CFAP54: variants seen among roughly 807,000 people sequenced by gnomAD.
CFAP54 encodes cilia and flagella associated protein 54, also known as cilia- and flagella-associated protein 54.
A neutral mutation model predicts 370.4 loss-of-function variants in CFAP54; 290 were observed. The observed-to-expected ratio is 0.78, with a 90% CI of 0.71 to 0.86. The LOEUF (loss-of-function observed/expected upper bound fraction) is 0.86. Ranked by LOEUF, CFAP54 falls within the 40% of genes least tolerant of loss-of-function variation. CFAP54 has a pLI of 0.00. For synonymous variants in CFAP54, 1,206 were observed against 1,236.5 expected, an observed-to-expected ratio of 0.98 and a Z score of 0.52; for missense variants, 3,399 against 3,528.7, an observed-to-expected ratio of 0.96 and a Z score of 0.93.
chr12:96,779,624 A>G (rs1045895085), intron 60 of CFAP54, among the ~76,000 whole-genome samples: 4 of 149,196 alleles, frequency 2.7e-5, no homozygotes, highest in African/African-American at 9.8e-5. Context: ...GAAATCTTAT[A>G]TGAATTATAT....
chr12:96,861,851 C>T (rs1431379693), intron 67 of CFAP54, among the ~76,000 whole-genome samples: 1 of 152,144 alleles, frequency 6.6e-6, no homozygotes. Context: ...ATTTCTGACT[C>T]ATTTTGTCTA....
rs569753335 is a variant in CFAP54 at position 96,788,801 on chromosome 12, A to T, written c.8679+1903A>T. ...TTTTAAGAATCCAGTTAAAGAAATG[A>T]TTCTCAGTTGGTGTTATGCAGTGGC... is the stretch of plus-strand genomic sequence containing the variant. On this transcript the variant is annotated intron_variant, in intron 62 of 67. Transcript: ENST00000524981. 1.8e-4 allele frequency among the ~76,000 whole-genome samples: 28 copies of T among 152,284 alleles called. No homozygotes were observed. In the South Asian group the frequency reaches 5.6e-3, roughly 30 times the overall value.
intron 48 of CFAP54, among the ~76,000 whole-genome samples, chr12:96,717,303 G>C (rs1184716774): frequency 6.6e-6 from 1 of 152,140 alleles, no homozygotes; most frequent in African/African-American, 2.4e-5. Flanking sequence ...AGATCCTCCT[G>C]CTGGGCCTTC....
Position 96,825,701 on chromosome 12 carries a change from A to ATATAT in CFAP54, c.9097-3310_9097-3306dup, listed in dbSNP as rs1555339865. On this transcript the variant is annotated intron_variant, in intron 65 of 67. Coordinates refer to ENST00000524981, the MANE Select transcript of CFAP54 (RefSeq NM_001306084.2). ...TATATAACATATCACGATATATATT[A>ATATAT]TATATTAATTAGATTATATAATATA... Among the ~76,000 whole-genome samples the ATATAT allele has an allele frequency of 8.8e-5, 11 of 124,378 alleles. No homozygotes were observed. In the East Asian group the frequency reaches 9.3e-4, roughly 10 times the overall value. 81.6% of individuals were successfully genotyped at this position (124,378 alleles called of 152,430 possible).
At chr12:96,615,645 A>T (rs541360854) in intron 26 of CFAP54, among the ~76,000 whole-genome samples, 3 of 152,202 alleles carry the variant, frequency 2.0e-5, no homozygotes, top group Non-Finnish European at 4.4e-5. Flanking sequence ...GAATCTACAA[A>T]GAACTCAAAC....
chr12:96,737,225 T>C (rs1301448700), intron 50 of CFAP54, among the ~76,000 whole-genome samples: 2 of 152,092 alleles, frequency 1.3e-5, no homozygotes, highest in African/African-American at 4.8e-5. Context: ...AGCTTTAGAT[T>C]TTGAAGAATT....
At chr12:96,644,772 G>A (rs1956770929) in intron 33 of CFAP54, among the ~76,000 whole-genome samples, 1 of 152,148 alleles carries the variant, frequency 6.6e-6, no homozygotes, top group African/African-American at 2.4e-5. Context: ...CATGAGAACA[G>A]CATGGGGAAA....
chr12:96,733,351 C>T (rs1209719341), intron 50 of CFAP54, among the ~76,000 whole-genome samples: 1 of 152,024 alleles, frequency 6.6e-6, no homozygotes, highest in African/African-American at 2.4e-5. Flanking sequence ...CATGATACTT[C>T]TAATAAAATT....
rs750943211 is a variant in CFAP54 at position 96,708,796 on chromosome 12, C to T, written c.6717C>T (p.Asn2239=). ...ACAAGAGCAAACCAAACCTACCAAA[C>T]TTGGAAGGTAATTGTTTTATTTTTT... The part of the protein sequence containing the change: ...ITNKSKPNLP[N]LEEIYSKDDG... The change falls in exon 48 of 68, where the codon AAC becomes AAT. Residue 2239 remains asparagine (N), a synonymous_variant. Coordinates refer to ENST00000524981, the MANE Select transcript of CFAP54 (RefSeq NM_001306084.2). 6 of 1,592,978 alleles carry T rather than the reference C, an allele frequency of 3.8e-6. No individual in the cohort carries two copies. The highest frequency in any genetic ancestry group is 5.1e-6 in the Non-Finnish European group (6 of 1,170,486).
intron 4 of CFAP54, among the ~76,000 whole-genome samples, chr12:96,512,299 TTTTATATATA>T (rs1259615555): frequency 7.6e-4 from 91 of 119,558 alleles, no homozygotes; most frequent in East Asian, 5.7e-3. Flanking sequence ...TGGGAACCAA[TTTTATATATA>T]TATATATATA....
intron 11 of CFAP54, among the ~76,000 whole-genome samples, chr12:96,535,054 TTA>T (rs1491143534): frequency 9.3e-6 from 1 of 107,844 alleles, no homozygotes; most frequent in African/African-American, 4.3e-5. Flanking sequence ...GTGTGTGTGT[TTA>T]TTTATTTATT....
At chr12:96,828,818 T>C (rs1445631861) in intron 65 of CFAP54, among the ~76,000 whole-genome samples, 196 bp from the exon 66 acceptor site, 1 of 152,186 alleles carries the variant, frequency 6.6e-6, no homozygotes, top group Non-Finnish European at 1.5e-5. Flanking sequence ...CAAAATCTTA[T>C]TTTGTACAAT....
chr12:96,810,690 G>A (rs1958921195), intron 63 of CFAP54, among the ~76,000 whole-genome samples: 1 of 152,128 alleles, frequency 6.6e-6, no homozygotes. Flanking sequence ...GGGAAGTTAT[G>A]GGAAGAAGAG....
At position 96,540,727 on chromosome 12, in the gene CFAP54, A is replaced by G. The variant is rs150288777; in HGVS notation, c.1927-110A>G. 1.3e-3 allele frequency: 761 copies of G among 596,120 alleles called. 11 individuals are homozygous for G. In the Admixed American group the frequency reaches 0.016, roughly 12 times the overall value. The allele number at this position is 596,120 out of a possible 1,614,324, so 36.9% of individuals were successfully genotyped here. A position where few individuals can be genotyped will look rare whatever the true frequency, so the allele number is the denominator to read the frequency against. ...GGAGGGGTACCTGTGTAACATTTCC[A>G]TATGATTAGAAGATGGTTGTTTCAA... On this transcript the variant is annotated intron_variant, in intron 13 of 67. Coordinates refer to ENST00000524981, the MANE Select transcript of CFAP54 (RefSeq NM_001306084.2).
chr12:96,625,798 G>C lies in CFAP54; in HGVS notation c.3967G>C (p.Val1323Leu). Residue 1323 changes from valine (V) to leucine (L), a missense_variant, in exon 29 of 68, where the codon GTG becomes CTG. Transcript: ENST00000524981. Reference sequence around the variant, plus strand: ...TTTGAATTGGTCGGTCAAAGGTGCCGTGAAAGAAGGTAGGTGAACTGGATG... The same window carrying C: ...TTTGAATTGGTCGGTCAAAGGTGCCCTGAAAGAAGGTAGGTGAACTGGATG... ...VVLNWSVKGA[V>L]KEVMKFKQKP... 2.0e-6 allele frequency: 3 copies of C among 1,534,036 alleles called. No homozygotes were observed. The highest frequency in any genetic ancestry group is 2.6e-6 in the Non-Finnish European group (3 of 1,145,200).
At chr12:96,864,328 T>C (rs925730311) in intron 67 of CFAP54, among the ~76,000 whole-genome samples, 1 of 152,080 alleles carries the variant, frequency 6.6e-6, no homozygotes, top group African/African-American at 2.4e-5. Flanking sequence ...AGCTAAGTGA[T>C]AGGTAATAAA....
chr12:96,617,429 T>C (rs1956432073), intron 26 of CFAP54, among the ~76,000 whole-genome samples: 1 of 151,906 alleles, frequency 6.6e-6, no homozygotes, highest in Non-Finnish European at 1.5e-5. Flanking sequence ...GTCCAAGAGG[T>C]CAATCCTTCT....
intron 9 of CFAP54, among the ~76,000 whole-genome samples, chr12:96,529,625 T>C (rs778810316): frequency 2.6e-5 from 4 of 152,344 alleles, no homozygotes; most frequent in Middle Eastern, 3.4e-3. Context: ...CTTTTTCATA[T>C]ACTTTTTTCA....
chr12:96,537,542 A>G (rs181141247), intron 12 of CFAP54, among the ~76,000 whole-genome samples: 2 of 152,174 alleles, frequency 1.3e-5, no homozygotes, highest in African/African-American at 4.8e-5. Context: ...GGGTTTCGCC[A>G]TGTTTGCCAG....
Sources: gnomAD v4.1 joint callset for allele counts (sites outside exome capture counted in the v4.1 genomes callset) on GRCh38, gnomAD v4.1.1 for gene constraint, MANE v1.5 for transcripts, NCBI Gene and HGNC (gene_info 2026-07-23, HGNC 2026-07-21) for gene names.